TTC21B: variants seen among roughly 807,000 people sequenced by gnomAD.
TTC21B encodes tetratricopeptide repeat protein 21B.
A neutral mutation model predicts 175.1 loss-of-function variants in TTC21B; 127 were observed. The ratio of observed to expected loss-of-function variants is 0.73; its 90% CI spans 0.63 to 0.84. The LOEUF (loss-of-function observed/expected upper bound fraction) is 0.84. TTC21B is among the 40% of genes least tolerant of loss of function. The pLI is 0.00. For missense variants in TTC21B, 1,561 were observed against 1,558.3 expected (o/e 1.00, Z -0.03); for synonymous variants, 524 against 524.5 (o/e 1.00, Z 0.01).
Position 165,930,185 on chromosome 2 carries a change from C to T in TTC21B, c.1074G>A (p.Val358=). 2 of 1,612,356 alleles carry T rather than the reference C, an allele frequency of 1.2e-6. No homozygotes were observed. Among genetic ancestry groups the T allele is most frequent in the Non-Finnish European group, 8.5e-7 (1 of 1,178,680 alleles). ...CAGTTGTCATACCAACTAGGGCAGACACACTAGTCTCATCAAGTGTCATGG... is the reference window on the plus strand; with the variant it reads ...CAGTTGTCATACCAACTAGGGCAGATACACTAGTCTCATCAAGTGTCATGG... ...KTAMTLDETS[V]SALVGFIQCQ... is the part of the protein sequence containing the mutation. Residue 358 remains valine (V), a synonymous_variant, in exon 9 of 29, where the codon GTG becomes GTA. Transcript: ENST00000243344.
rs146009256 is a variant in TTC21B at position 165,899,809 on chromosome 2, T to C, written c.2829A>G (p.Leu943=). The change falls in exon 21 of 29, where the codon CTA becomes CTG. Residue 943 remains leucine, a synonymous_variant. Transcript: ENST00000243344. ...DPDSCLRQCA[L]LLQSDQDNEA... is the part of the protein sequence containing the mutation. ...CGTTATCCTGGTCACTCTGAAGCAGTAGAGCACACTGCCGCAGGCAGGAAT... is the reference window on the plus strand; with the variant it reads ...CGTTATCCTGGTCACTCTGAAGCAGCAGAGCACACTGCCGCAGGCAGGAAT... The C allele has an allele frequency of 7.1e-5, 115 of 1,614,008 alleles. No homozygotes were observed. The African/African-American group carries it at 1.2e-3, about 16-fold the overall frequency.
chr2:165,934,320 G>A (rs1027292509), intron 6 of TTC21B, among the ~76,000 whole-genome samples: 3 of 151,490 alleles, frequency 2.0e-5, no homozygotes, highest in Admixed American at 6.6e-5. Context: ...AGAGAAACAC[G>A]GAGAACTCCG....
intron 24 of TTC21B, 30 bp from the exon 25 acceptor site, chr2:165,888,504 G>A (rs1300338071): frequency 2.0e-6 from 3 of 1,523,742 alleles, no homozygotes; most frequent in Non-Finnish European, 2.7e-6. Flanking sequence ...AATCACTTCT[G>A]TCTCTTACTC....
chr2:165,915,437 AT>A lies in TTC21B; in HGVS notation c.1901del (p.His634LeufsTer32). 2 of 1,611,010 alleles carry A rather than the reference AT, an allele frequency of 1.2e-6. No individual in the cohort carries two copies. The highest frequency in any genetic ancestry group is 1.7e-6 in the Non-Finnish European group (2 of 1,177,142). On this transcript the variant is annotated frameshift_variant and splice_region_variant, in exon 15 of 29. Transcript: ENST00000243344. LOFTEE classifies it high-confidence loss of function. Reference protein sequence around the residue: ...IDVHRLNGEQHEATKVLQDAI... With the variant: ...IDVHRLNGEQXEATKVLQDAI... ...CATCTTGTAAAACTTTGGTTGCCTC[AT>A]GCTGTAAAGATGAAATTAAAATAAT...
Position 165,907,808 on chromosome 2 carries a change from CA to C in TTC21B, c.2462-25del, listed in dbSNP as rs539452593. The stretch of plus-strand genomic sequence containing the variant: ...TACTATGAAAGAATGGAATGTAATG[CA>C]AAAAATTATTCATCTTAAATAAATG... On this transcript the variant is annotated intron_variant, in intron 18 of 28. Transcript: ENST00000243344. The C allele has an allele frequency of 2.0e-5, 29 of 1,457,992 alleles. 1 individual carries two copies. The South Asian group carries it at 3.2e-4, about 16-fold the overall frequency. The allele number at this position is 1,457,992 out of a possible 1,614,324, so 90.3% of individuals were successfully genotyped here.
At chr2:165,899,228 A>G (rs1357238976) in intron 21 of TTC21B, among the ~76,000 whole-genome samples, 1 of 152,204 alleles carries the variant, frequency 6.6e-6, no homozygotes, top group Non-Finnish European at 1.5e-5. Context: ...TGCAGATTTC[A>G]TATATTTCTT....
intron 28 of TTC21B, among the ~76,000 whole-genome samples, chr2:165,875,263 G>A (rs1684628949): frequency 8.4e-6 from 1 of 118,376 alleles, no homozygotes; most frequent in Non-Finnish European, 1.7e-5. Flanking sequence ...TAAGAGTGGG[G>A]AGATGCTAGT....
At chr2:165,922,548 T>G (rs1686450564) in intron 12 of TTC21B, among the ~76,000 whole-genome samples, 1 of 115,892 alleles carries the variant, frequency 8.6e-6, no homozygotes, top group African/African-American at 3.4e-5. Flanking sequence ...ACAGCCGGAA[T>G]AGCCACTATT....
intron 14 of TTC21B, among the ~76,000 whole-genome samples, chr2:165,916,061 T>C (rs1686160197): frequency 6.6e-6 from 1 of 152,180 alleles, no homozygotes; most frequent in African/African-American, 2.4e-5. Context: ...GCTGGGTGGA[T>C]CACTTAAGCC....
chr2:165,945,573 G>A lies in TTC21B; in HGVS notation c.380C>T (p.Ala127Val), dbSNP rs1471348100. ...FLWHIGRHDK[A>V]REYIDRMIKI... The stretch of plus-strand genomic sequence containing the variant: ...GATCATTCTGTCAATATATTCCCTT[G>A]CTTTATCATGGCGACCAATGTGCCA... Residue 127 changes from alanine (A) to valine (V), a missense_variant, in exon 4 of 29, where the codon GCA becomes GTA. Coordinates refer to ENST00000243344, the MANE Select transcript of TTC21B (RefSeq NM_024753.5). 1 of 1,613,478 alleles carries A rather than the reference G, an allele frequency of 6.2e-7. No homozygotes were observed. The highest frequency in any genetic ancestry group is 2.2e-5 in the East Asian group (1 of 44,822).
At chr2:165,943,078 T>C in intron 5 of TTC21B, 141 bp downstream of exon 5, 1 of 784,244 alleles carries the variant, frequency 1.3e-6, no homozygotes, top group Non-Finnish European at 2.1e-6. Flanking sequence ...CCTACACAAA[T>C]GCCAGTCTAC....
chr2:165,926,991 C>CATATATATAT (rs367965246), intron 11 of TTC21B, among the ~76,000 whole-genome samples: 1,171 of 14,606 alleles, frequency 0.08, 328 homozygotes, highest in Non-Finnish European at 0.13. Flanking sequence ...TATAAACTCC[C>CATATATATAT]ATATATATAT....
intron 6 of TTC21B, among the ~76,000 whole-genome samples, chr2:165,939,634 C>T (rs1687291340): frequency 6.6e-6 from 1 of 152,234 alleles, no homozygotes; most frequent in East Asian, 1.9e-4. Flanking sequence ...CTCCAAAATA[C>T]TAGCTATAGC....
In TTC21B at chr2:165,919,375, A is replaced by C. The variant is rs199559023; in HGVS notation, c.1575T>G (p.Tyr525Ter). ...GAGCTAGCAGCAGATGAGCATCAGC[A>C]TAAGAGGGATTGTGTTCTAAGCAGT... ...LQHCLEHNPS[Y>*]ADAHLLLAQV... Residue 525 changes from tyrosine (Y) to a stop codon, truncating the protein, a stop_gained, in exon 13 of 29, where the codon TAT becomes TAG. Coordinates refer to ENST00000243344, the MANE Select transcript of TTC21B (RefSeq NM_024753.5). LOFTEE classifies it high-confidence loss of function. 6.2e-7 allele frequency: 1 copy of C among 1,614,154 alleles called. No homozygotes were observed. Among genetic ancestry groups the C allele is most frequent in the South Asian group, 1.1e-5 (1 of 91,084 alleles).
chr2:165,883,255 G>A (rs145374167), intron 26 of TTC21B, among the ~76,000 whole-genome samples: 299 of 152,162 alleles, frequency 2.0e-3, no homozygotes, highest in African/African-American at 7.1e-3. Flanking sequence ...CAAAATGTTA[G>A]TAAAAAGCCT....
chr2:165,920,814 AATGAGAAGTGGGTCAT>A (rs1686374418), intron 12 of TTC21B, among the ~76,000 whole-genome samples: 4 of 151,980 alleles, frequency 2.6e-5, no homozygotes, highest in Non-Finnish European at 4.4e-5. Context: ...AATATTTAAA[AATGAGAAGTGGGTCAT>A]TACTTTTGAG....
chr2:165,903,800 C>G (rs966531832), intron 19 of TTC21B, among the ~76,000 whole-genome samples: 1 of 152,106 alleles, frequency 6.6e-6, no homozygotes, highest in African/African-American at 2.4e-5. Context: ...GAGAATTAAG[C>G]TCAATAAATG....
At chr2:165,889,062 C>G (rs773698844) in intron 24 of TTC21B, among the ~76,000 whole-genome samples, 4 of 152,140 alleles carry the variant, frequency 2.6e-5, no homozygotes, top group Admixed American at 6.5e-5. Flanking sequence ...ATGTGTCAAA[C>G]AGTAATTTCA....
intron 16 of TTC21B, among the ~76,000 whole-genome samples, chr2:165,912,927 T>A (rs546127854): frequency 1.3e-5 from 2 of 152,302 alleles, no homozygotes; most frequent in East Asian, 3.9e-4. Context: ...AAACTGCCAG[T>A]TATAGAGGGC....
Sources: allele counts gnomAD v4.1 joint callset (sites outside exome capture counted in the v4.1 genomes callset), GRCh38; gene constraint gnomAD v4.1.1; transcripts MANE v1.5; gene names NCBI Gene and HGNC (gene_info 2026-07-23, HGNC 2026-07-21).